The following ORC2 variants were observed in gnomAD, a reference collection of about 807,000 sequenced individuals.
ORC2 encodes origin recognition complex protein 2 homolog.
Under a neutral mutation model 77.7 loss-of-function variants are expected in ORC2, and 37 were observed. The observed-to-expected ratio is 0.48, with a 90% CI of 0.37 to 0.63. The LOEUF (loss-of-function observed/expected upper bound fraction) is 0.63. Ranked by LOEUF, ORC2 falls within the 20% of genes least tolerant of loss-of-function variation. The pLI is 0.00. For missense variants in ORC2, 557 were observed against 661.9 expected (o/e 0.84, Z 1.74); for synonymous variants, 201 against 229.5 (o/e 0.88, Z 1.12).
At chr2:200,943,778 G>A (rs1029184026) in intron 5 of ORC2, among the ~76,000 whole-genome samples, 5 of 150,502 alleles carry the variant, frequency 3.3e-5, no homozygotes, top group South Asian at 4.2e-4. Context: ...TAATCCCTTC[G>A]GTCTTCTATA....
chr2:200,945,473 G>A (rs1225078274), intron 5 of ORC2, among the ~76,000 whole-genome samples: 2 of 152,056 alleles, frequency 1.3e-5, no homozygotes, highest in African/African-American at 4.8e-5. Context: ...AGGAAGCTGA[G>A]GCAGGAAAAT....
intron 10 of ORC2, among the ~76,000 whole-genome samples, chr2:200,932,132 A>T (rs180882440): frequency 3.4e-4 from 52 of 152,258 alleles, no homozygotes; most frequent in Non-Finnish European, 6.2e-4. Context: ...CAGTTAAAGC[A>T]AACAGAACTA....
intron 5 of ORC2, among the ~76,000 whole-genome samples, chr2:200,945,915 A>G (rs771622458): frequency 1.3e-5 from 2 of 152,112 alleles, no homozygotes; most frequent in Admixed American, 6.6e-5. Context: ...CTTTGGGTAT[A>G]TATCTAGTAG....
chr2:200,943,422 C>G (rs1403559482), intron 5 of ORC2, among the ~76,000 whole-genome samples: 4 of 151,480 alleles, frequency 2.6e-5, no homozygotes, highest in African/African-American at 9.7e-5. Flanking sequence ...ATAATAGAGG[C>G]CATTTTAAAT....
At chr2:200,913,660 A>G in intron 16 of ORC2, 2 of 1,327,364 alleles carry the variant, frequency 1.5e-6, no homozygotes, top group Non-Finnish European at 1.9e-6. Flanking sequence ...GAATATGAAA[A>G]ATATGTACTT....
intron 6 of ORC2, among the ~76,000 whole-genome samples, chr2:200,942,214 A>C (rs1034237089): frequency 1.3e-5 from 2 of 152,134 alleles, no homozygotes; most frequent in Admixed American, 1.3e-4. Flanking sequence ...AAAAAACAGA[A>C]ATGTCGGCAA....
At chr2:200,929,113 G>A (rs1317216191) in intron 11 of ORC2, among the ~76,000 whole-genome samples, 2 of 151,918 alleles carry the variant, frequency 1.3e-5, no homozygotes, top group Non-Finnish European at 2.9e-5. Flanking sequence ...CACTAAGCCC[G>A]GCTAACTTTG....
At chr2:200,913,164 C>CCTAAATGAAT in intron 17 of ORC2, 131 bp downstream of exon 17, 1 of 593,288 alleles carries the variant, frequency 1.7e-6, no homozygotes, top group Non-Finnish European at 2.8e-6. Context: ...TGGCACATCC[C>CCTAAATGAAT]CTAAATGAAT....
intron 11 of ORC2, among the ~76,000 whole-genome samples, chr2:200,928,539 C>T (rs1487396649): frequency 5.9e-5 from 9 of 151,936 alleles, no homozygotes; most frequent in African/African-American, 1.7e-4. Flanking sequence ...AAAGGCCAGG[C>T]GCAGTGGCTC....
intron 1 of ORC2, 92 bp from the exon 2 acceptor site, chr2:200,959,532 G>A (rs2041531023): frequency 6.6e-6 from 1 of 152,154 alleles, no homozygotes; most frequent in East Asian, 1.9e-4. Flanking sequence ...TAACAAGCAT[G>A]ATGAATAGAT....
Position 200,931,421 on chromosome 2 carries a change from C to A in ORC2, c.835G>T (p.Val279Phe), listed in dbSNP as rs201882326. The A allele has an allele frequency of 5.2e-5, 80 of 1,547,068 alleles. No homozygotes were observed. Among genetic ancestry groups the A allele is most frequent in the Non-Finnish European group, 6.6e-5 (76 of 1,153,224 alleles). ...QQTLRNLLSK[V>F]SPSFSAELKQ... ...AGTTCGGCAGAAAAGGAAGGGGAAACCTTGCTCAATAAGTTACGCAAAGTT... is the reference window on the plus strand; with the variant it reads ...AGTTCGGCAGAAAAGGAAGGGGAAAACTTGCTCAATAAGTTACGCAAAGTT... The change falls in exon 11 of 18, where the codon GTT (valine) becomes TTT (phenylalanine). Residue 279 changes from valine (V) to phenylalanine (F), a missense_variant. Physicochemically the swap from Val to Phe is conservative, Grantham distance 50 (BLOSUM62 -1). Transcript: ENST00000234296.
chr2:200,941,258 AC>A lies in ORC2; in HGVS notation c.442del (p.Val148PhefsTer19). 6.2e-7 allele frequency: 1 copy of A among 1,610,642 alleles called. No individual in the cohort carries two copies. Among genetic ancestry groups the A allele is most frequent in the Non-Finnish European group, 8.5e-7 (1 of 1,177,520 alleles). ...TAGTCAATTGCTTACCTTCGGTTGA[AC>A]CTTGTCTGAAGCAGAATGGCCTAAA... ...SSKGHSASDK[V>X]QPKNNDKSEF... On this transcript the variant is annotated frameshift_variant, in exon 7 of 18. Transcript: ENST00000234296. LOFTEE classifies it high-confidence loss of function.
At chr2:200,913,849 C>G in intron 16 of ORC2, 82 bp downstream of exon 16, 1 of 1,491,312 alleles carries the variant, frequency 6.7e-7, no homozygotes. Flanking sequence ...AAAAACTGCA[C>G]TGCTGTCATT....
At chr2:200,954,623 A>G (rs555214418) in intron 4 of ORC2, among the ~76,000 whole-genome samples, 21 of 152,240 alleles carry the variant, frequency 1.4e-4, no homozygotes, top group Non-Finnish European at 2.4e-4. Flanking sequence ...ACATCTCCCA[A>G]TTGGGTAAAA....
chr2:200,910,202 T>C lies in ORC2; in HGVS notation c.*1099A>G, dbSNP rs975500995. ...AGTACGTATTTTATTGCAGTGATAT[T>C]TTCAGGAAGAACTTCATTTCCAAGT... On this transcript the variant is annotated 3_prime_UTR_variant, in exon 18 of 18. Transcript: ENST00000234296. 1 of 152,220 alleles carries C rather than the reference T, an allele frequency of 6.6e-6. No homozygotes were observed. Among genetic ancestry groups the C allele is most frequent in the Non-Finnish European group, 1.5e-5 (1 of 68,044 alleles). The allele number at this position is 152,220 out of a possible 1,614,324, so 9.4% of individuals were successfully genotyped here. A position where few individuals can be genotyped will look rare whatever the true frequency, so the allele number is the denominator to read the frequency against.
At chr2:200,914,533 C>T (rs2040607844) in intron 15 of ORC2, among the ~76,000 whole-genome samples, 1 of 152,082 alleles carries the variant, frequency 6.6e-6, no homozygotes, top group Non-Finnish European at 1.5e-5. Context: ...AATCTCACCC[C>T]TTTGGGAGAC....
intron 1 of ORC2, 124 bp downstream of exon 1, chr2:200,963,366 G>C: frequency 2.5e-6 from 1 of 398,260 alleles, no homozygotes; most frequent in Non-Finnish European, 4.4e-6. Flanking sequence ...AAAGTCCTGA[G>C]ATGCGCGACT....
At chr2:200,938,284 C>A (rs1397619703) in intron 7 of ORC2, among the ~76,000 whole-genome samples, 1 of 152,194 alleles carries the variant, frequency 6.6e-6, no homozygotes, top group Non-Finnish European at 1.5e-5. Context: ...CCCACCTTAA[C>A]CTCCCAAAGT....
At chr2:200,942,849 G>A (rs1457110747) in intron 5 of ORC2, 72 bp from the exon 6 acceptor site, 26 of 835,902 alleles carry the variant, frequency 3.1e-5, no homozygotes, top group Middle Eastern at 3.6e-4. Flanking sequence ...ACCTTATTAC[G>A]CTTACAAAAA....
Sources: allele counts gnomAD v4.1 joint callset (sites outside exome capture counted in the v4.1 genomes callset), GRCh38; gene constraint gnomAD v4.1.1; transcripts MANE v1.5; gene names NCBI Gene and HGNC (gene_info 2026-07-23, HGNC 2026-07-21).